Variants in ABCC9 observed in about 807,000 individuals in gnomAD.
ABCC9 encodes ATP binding cassette subfamily C member 9.
ABCC9 carries 95 observed loss-of-function variants against 188.3 expected under a neutral mutation model. The observed-to-expected ratio is 0.50, with a 90% CI of 0.43 to 0.60. The LOEUF (loss-of-function observed/expected upper bound fraction) is 0.60. Ranked by LOEUF, ABCC9 falls within the 20% of genes least tolerant of loss-of-function variation. The pLI is 0.00. For missense variants in ABCC9, 1,102 were observed against 1,876.3 expected (o/e 0.59, Z 7.62); for synonymous variants, 659 against 652.7 (o/e 1.01, Z -0.15).
intron 14 of ABCC9, 32 bp downstream of exon 14, chr12:21,894,000 A>C (rs758600061): frequency 6.2e-7 from 1 of 1,612,122 alleles, no homozygotes; most frequent in South Asian, 1.1e-5. Flanking sequence ...TATTATCAAT[A>C]AGCAAAAAAT....
At chr12:21,912,799 CATT>C (rs757320341) in intron 8 of ABCC9, 70 bp downstream of exon 8, 113 of 1,480,260 alleles carry the variant, frequency 7.6e-5, no homozygotes, top group Non-Finnish European at 1.0e-4. Context: ...CATAAAACTG[CATT>C]AATAAAAAGT....
chr12:21,829,707 A>G (rs184315758), intron 30 of ABCC9, among the ~76,000 whole-genome samples: 9 of 152,308 alleles, frequency 5.9e-5, no homozygotes, highest in Admixed American at 5.9e-4. Context: ...AGCCTACTAC[A>G]TTAAAAGGGC....
intron 29 of ABCC9, among the ~76,000 whole-genome samples, chr12:21,841,037 T>C (rs1332850240): frequency 6.6e-6 from 1 of 152,230 alleles, no homozygotes; most frequent in Non-Finnish European, 1.5e-5. Context: ...TGTATATGTT[T>C]TATCTTCCTT....
At chr12:21,900,198 G>C in intron 12 of ABCC9, among the ~76,000 whole-genome samples, 1 of 152,184 alleles carries the variant, frequency 6.6e-6, no homozygotes, top group East Asian at 1.9e-4. Flanking sequence ...CAGGCAAACA[G>C]GGTCTGGAGT....
At chr12:21,887,727 T>A (rs1946951192) in intron 15 of ABCC9, 99 bp downstream of exon 15, 1 of 855,424 alleles carries the variant, frequency 1.2e-6, no homozygotes, top group African/African-American at 1.7e-5. Context: ...GGTTAAAAAC[T>A]AAAGCTTATA....
chr12:21,807,294 C>T, intron 38 of ABCC9, 52 bp downstream of exon 38: 1 of 1,612,102 alleles, frequency 6.2e-7, no homozygotes. Flanking sequence ...TTGTAATTTT[C>T]ATGCACATTT....
intron 7 of ABCC9, among the ~76,000 whole-genome samples, 154 bp downstream of exon 7, chr12:21,915,514 A>ATTTTTTT (rs71053356): frequency 8.5e-4 from 3 of 3,520 alleles, no homozygotes; most frequent in African/African-American, 1.1e-3. Context: ...ATATATATAT[A>ATTTTTTT]TTTTTTTTTT....
At chr12:21,812,020 A>T (rs746267188) in intron 36 of ABCC9, 29 bp downstream of exon 36, 2 of 1,472,724 alleles carry the variant, frequency 1.4e-6, no homozygotes, top group South Asian at 2.3e-5. Flanking sequence ...ATCCTAAGGC[A>T]TACAGGTGTT....
chr12:21,922,775 T>A (rs1592243289), intron 5 of ABCC9, among the ~76,000 whole-genome samples: 1 of 125,752 alleles, frequency 8.0e-6, no homozygotes, highest in East Asian at 2.5e-4. Context: ...TTTGGAGAAA[T>A]TGTAAACCTG....
At chr12:21,843,288 C>T (rs762243925) in intron 28 of ABCC9, among the ~76,000 whole-genome samples, 1 of 152,102 alleles carries the variant, frequency 6.6e-6, no homozygotes, top group Non-Finnish European at 1.5e-5. Flanking sequence ...AAAAATTAAT[C>T]CTTTCCTTAT....
chr12:21,914,885 T>A (rs1301719304), intron 7 of ABCC9, among the ~76,000 whole-genome samples: 2 of 149,910 alleles, frequency 1.3e-5, no homozygotes, highest in African/African-American at 4.9e-5. Context: ...ATAGATATGA[T>A]TTAAGCTTTG....
intron 5 of ABCC9, 88 bp downstream of exon 5, chr12:21,925,854 A>G: frequency 1.4e-6 from 2 of 1,406,536 alleles, no homozygotes; most frequent in South Asian, 1.2e-5. Context: ...CTCTGATACT[A>G]TTTACCCTGA....
Position 21,852,119 on chromosome 12 carries a change from C to T in ABCC9, c.2747G>A (p.Arg916Gln). The change falls in exon 24 of 40, where the codon CGG becomes CAG. Residue 916 changes from arginine (R) to glutamine (Q), a missense_variant. Around this residue, in one of 12 missense-constraint regions of ABCC9, gnomAD observed 131 missense variants for 170.2 expected, o/e 0.77. Coordinates refer to ENST00000261200, the MANE Select transcript of ABCC9 (RefSeq NM_020297.4). The part of the protein sequence containing the change: ...LYEHWKTLMN[R>Q]QDQELEKDME... ...TACCTTTTCTAATTCTTGATCTTGC[C>T]GATTCATAAGTGTTTTCCAGTGTTC... The T allele has an allele frequency of 1.9e-6, 3 of 1,613,558 alleles. No homozygotes were observed. The highest frequency in any genetic ancestry group is 1.1e-5 in the South Asian group (1 of 91,054).
At chr12:21,894,888 G>GT (rs1947326324) in intron 13 of ABCC9, among the ~76,000 whole-genome samples, 1 of 152,184 alleles carries the variant, frequency 6.6e-6, no homozygotes, top group African/African-American at 2.4e-5. Flanking sequence ...TGTTGTAAGA[G>GT]TATCTGGGAA....
chr12:21,852,221 A>T lies in ABCC9; in HGVS notation c.2645T>A (p.Ile882Asn). Residue 882 changes from isoleucine (I) to asparagine (N), a missense_variant and splice_region_variant, in exon 24 of 40, where the codon ATC (isoleucine) becomes AAC (asparagine). Physicochemically the swap from Ile to Asn is moderately radical, Grantham distance 149. This residue lies in a region of ABCC9 where 131 missense variants were observed against 170.2 expected (regional missense o/e 0.77). Transcript: ENST00000261200. ...KLQYLTHADW[I>N]IAMKDGSVLR... ...GACACTTCCATCTTTCATGGCTATG[A>T]TCTAAGGAAAGCGGATATTCCCAGA... 1 of 1,613,806 alleles carries T rather than the reference A, an allele frequency of 6.2e-7. No individual in the cohort carries two copies. The highest frequency in any genetic ancestry group is 2.2e-5 in the East Asian group (1 of 44,824).
intron 7 of ABCC9, 129 bp downstream of exon 7, chr12:21,915,539 G>A: frequency 6.3e-6 from 1 of 159,256 alleles, no homozygotes; most frequent in Non-Finnish European, 1.1e-5. Context: ...TTGAGACAGA[G>A]TCTCACTCTG....
rs1270215431 is a variant in ABCC9, at chr12:21,799,123, G to C, written c.*1921C>G. 1 of 149,860 alleles carries C rather than the reference G, an allele frequency of 6.7e-6. No homozygotes were observed. Among genetic ancestry groups the C allele is most frequent in the Non-Finnish European group, 1.5e-5 (1 of 67,452 alleles). The allele number at this position is 149,860 out of a possible 1,614,324, so 9.3% of individuals were successfully genotyped here. ...GGGGTGGGGGGAGTGGGGAGGGATA[G>C]CATTGGGAGATATACCTAATGCTAG... On this transcript the variant is annotated 3_prime_UTR_variant, in exon 40 of 40. Transcript: ENST00000261200.
In ABCC9 at chr12:21,915,716, T is replaced by C. The variant is rs1948575534; in HGVS notation, c.768A>G (p.Arg256=). The C allele has an allele frequency of 2.5e-6, 4 of 1,612,486 alleles. No homozygotes were observed. In the African/African-American group the frequency reaches 4.0e-5, roughly 16 times the overall value. The change falls in exon 7 of 40, where the codon AGA becomes AGG. Residue 256 remains arginine (R), a synonymous_variant. Transcript: ENST00000261200. ...TCAGGCAAACATAATTTGTTACTGC[T>C]CTCATTGCTATTGGCAATTTTCCAA... ...KAIGKLPIAM[R]AVTNYVCLKD... is the part of the protein sequence containing the mutation.
At chr12:21,916,362 G>T (rs919012853) in intron 6 of ABCC9, among the ~76,000 whole-genome samples, 4 of 152,112 alleles carry the variant, frequency 2.6e-5, no homozygotes, top group Admixed American at 6.6e-5. Context: ...CAAGTTCAAA[G>T]TTCTCTGATA....
Sources: gnomAD v4.1 joint callset for allele counts (sites outside exome capture counted in the v4.1 genomes callset) on GRCh38, gnomAD v4.1.1 for gene constraint, gnomAD v4.1.1 regional missense constraint, MANE v1.5 for transcripts, NCBI Gene and HGNC (gene_info 2026-07-23, HGNC 2026-07-21) for gene names.